Variants in OR4N2 observed in about 807,000 individuals in gnomAD.
The protein encoded by OR4N2 is olfactory receptor 4N2.
For synonymous variants in OR4N2, 141 were observed against 140.4 expected (o/e 1.00, Z -0.03); for missense variants, 307 against 377.6 (o/e 0.81, Z 1.55).
Position 19,820,566 on chromosome 14 carries a change from T to C in OR4N2, c.-9-6874T>C, listed in dbSNP as rs140350289. 5.2e-4 allele frequency among the ~76,000 whole-genome samples: 79 copies of C among 152,348 alleles called. No individual in the cohort carries two copies. The East Asian group carries it at 0.012, about 24-fold the overall frequency. On this transcript the variant is annotated intron_variant, in intron 1 of 1. Transcript: ENST00000557677. ...CCCCAGGTGCTCTGTCCCAGGGAGA[T>C]GGGACTTTTATCTATAAGCCCCTGA... is the stretch of plus-strand genomic sequence containing the variant.
chr14:19,825,979 C>T (rs1226650712), intron 1 of OR4N2, among the ~76,000 whole-genome samples: 1 of 152,138 alleles, frequency 6.6e-6, no homozygotes, highest in South Asian at 2.1e-4. Context: ...AATCTATTCC[C>T]CTAAGACATT....
chr14:19,814,720 A>G (rs1879383112), intron 1 of OR4N2, among the ~76,000 whole-genome samples: 1 of 152,242 alleles, frequency 6.6e-6, no homozygotes, highest in Non-Finnish European at 1.5e-5. Flanking sequence ...TGTGTAGAAT[A>G]TGCAGGTTTG....
chr14:19,824,828 T>C (rs1879651717), intron 1 of OR4N2, among the ~76,000 whole-genome samples: 1 of 152,254 alleles, frequency 6.6e-6, no homozygotes. Flanking sequence ...AACATAAAAA[T>C]ATTTGTTATT....
At chr14:19,807,520 G>A (rs1366080503) in intron 1 of OR4N2, among the ~76,000 whole-genome samples, 1 of 152,080 alleles carries the variant, frequency 6.6e-6, no homozygotes, top group Non-Finnish European at 1.5e-5. Context: ...AATCTCCCAA[G>A]ATTGAATCCC....
chr14:19,827,640 C>G lies in OR4N2; in HGVS notation c.192C>G (p.Gly64=). The change falls in exon 2 of 2, where the codon GGC becomes GGG. Residue 64 remains glycine (G), a synonymous_variant. Transcript: ENST00000557677. ...CAGCCCCCCTCTATTTCTTTCTGGG[C>G]AACTTGGCCTTCCTGGATGCATCCT... ...GLTAPLYFFL[G]NLAFLDASYS... 6.2e-6 allele frequency: 10 copies of G among 1,614,102 alleles called. No homozygotes were observed. Among genetic ancestry groups the G allele is most frequent in the Non-Finnish European group, 7.6e-6 (9 of 1,179,956 alleles).
At chr14:19,809,372 A>C (rs1594393284) in intron 1 of OR4N2, among the ~76,000 whole-genome samples, 1 of 151,872 alleles carries the variant, frequency 6.6e-6, no homozygotes, top group South Asian at 2.2e-4. Context: ...CTAATTAAAC[A>C]AAAGAGCTTC....
chr14:19,811,013 G>A (rs770173354), intron 1 of OR4N2, among the ~76,000 whole-genome samples: 1 of 152,214 alleles, frequency 6.6e-6, no homozygotes, highest in Admixed American at 6.5e-5. Flanking sequence ...TTTATACTAA[G>A]AAAATTCCAG....
chr14:19,817,376 A>G (rs1387000287), intron 1 of OR4N2, among the ~76,000 whole-genome samples: 1 of 152,154 alleles, frequency 6.6e-6, no homozygotes, highest in Non-Finnish European at 1.5e-5. Flanking sequence ...AAAACTTGTT[A>G]TTTGTCTATT....
chr14:19,814,358 A>G (rs1184990704), intron 1 of OR4N2, among the ~76,000 whole-genome samples: 2 of 152,210 alleles, frequency 1.3e-5, no homozygotes, highest in African/African-American at 4.8e-5. Context: ...TCCTATACCA[A>G]GAAACTATTT....
chr14:19,812,205 TAA>T (rs1361989868), intron 1 of OR4N2, among the ~76,000 whole-genome samples: 1 of 152,030 alleles, frequency 6.6e-6, no homozygotes, highest in East Asian at 1.9e-4. Flanking sequence ...TTTTTTTATA[TAA>T]AGTGTTAAGG....
chr14:19,806,965 G>A (rs896940770), intron 1 of OR4N2, among the ~76,000 whole-genome samples: 3 of 152,062 alleles, frequency 2.0e-5, no homozygotes, highest in African/African-American at 7.2e-5. Flanking sequence ...TAACTCATGG[G>A]TGCACACTGA....
chr14:19,825,793 C>T lies in OR4N2; in HGVS notation c.-9-1647C>T, dbSNP rs139548160. ...CAAGATGTTCTCGATCTCCTGAGCT[C>T]GTGATCCACCCACCTAGGCCTCCCA... On this transcript the variant is annotated intron_variant, in intron 1 of 1. Coordinates refer to ENST00000557677, the MANE Select transcript of OR4N2 (RefSeq NM_001004723.3). Among the ~76,000 whole-genome samples, 1,227 of 151,712 alleles carry T rather than the reference C, an allele frequency of 8.1e-3. 1 individual carries two copies. The highest frequency in any genetic ancestry group is 0.045 in the Middle Eastern group (13 of 290).
intron 1 of OR4N2, among the ~76,000 whole-genome samples, chr14:19,823,169 A>G (rs1293934149): frequency 6.6e-6 from 1 of 152,246 alleles, no homozygotes; most frequent in Non-Finnish European, 1.5e-5. Flanking sequence ...TATAAAACTT[A>G]TTATTTCATA....
chr14:19,814,213 A>C (rs1232550158), intron 1 of OR4N2, among the ~76,000 whole-genome samples: 4 of 152,202 alleles, frequency 2.6e-5, no homozygotes, highest in African/African-American at 9.6e-5. Context: ...TAAAATTAAT[A>C]ATCTTTAATG....
chr14:19,815,356 T>C (rs1475127382), intron 1 of OR4N2, among the ~76,000 whole-genome samples: 1 of 152,260 alleles, frequency 6.6e-6, no homozygotes, highest in African/African-American at 2.4e-5. Flanking sequence ...CTTTTAATGA[T>C]CACCATTCTA....
chr14:19,821,686 C>A (rs1222197637), intron 1 of OR4N2, among the ~76,000 whole-genome samples: 1 of 152,194 alleles, frequency 6.6e-6, no homozygotes, highest in African/African-American at 2.4e-5. Context: ...AGTAAGTCAG[C>A]TTGGTATTAT....
rs1432596699 is a variant in OR4N2 at position 19,803,812 on chromosome 14, GCTGTGAATTC to G, written c.-35_-26del. ...TTCTTTATGCATCTGGTAGAACTCA[GCTGTGAATTC>G]CTGTGATCCTGGGCTTTTTCTGGTT... On this transcript the variant is annotated 5_prime_UTR_variant, in exon 1 of 2. The change abolishes the stop of an existing upstream ORF in the 5' untranslated region. Coordinates refer to ENST00000557677, the MANE Select transcript of OR4N2 (RefSeq NM_001004723.3). 6.6e-6 allele frequency: 1 copy of G among 152,290 alleles called. No individual in the cohort carries two copies. The highest frequency in any genetic ancestry group is 1.5e-5 in the Non-Finnish European group (1 of 68,120). The allele number at this position is 152,290 out of a possible 1,614,324, so 9.4% of individuals were successfully genotyped here.
chr14:19,814,859 C>T (rs879117753), intron 1 of OR4N2, among the ~76,000 whole-genome samples: 3 of 152,088 alleles, frequency 2.0e-5, no homozygotes, highest in African/African-American at 7.2e-5. Flanking sequence ...GTGGGATATT[C>T]CCCTCGCTGT....
chr14:19,820,687 G>T (rs1879543241), intron 1 of OR4N2, among the ~76,000 whole-genome samples: 1 of 152,256 alleles, frequency 6.6e-6, no homozygotes, highest in Admixed American at 6.5e-5. Context: ...GTTGTGGGGG[G>T]CTCTGCCCAG....
Sources: gnomAD v4.1 joint callset for allele counts (sites outside exome capture counted in the v4.1 genomes callset) on GRCh38, gnomAD v4.1.1 for gene constraint, MANE v1.5 for transcripts, NCBI Gene and HGNC (gene_info 2026-07-23, HGNC 2026-07-21) for gene names.